NSL1: variants seen among roughly 807,000 people sequenced by gnomAD.
The protein encoded by NSL1 is kinetochore-associated protein NSL1 homolog.
In NSL1, 11 loss-of-function variants were observed where a neutral mutation model predicts 25.4. That is an observed-to-expected ratio of 0.43 (90% CI 0.27 to 0.72). NSL1 has a LOEUF of 0.72. Among genes scored for constraint, NSL1 ranks in the 30% least tolerant of loss-of-function variants. The pLI is 0.19. For synonymous variants in NSL1, 118 were observed against 120.6 expected, an observed-to-expected ratio of 0.98 and a Z score of 0.14; for missense variants, 330 against 342.7, an observed-to-expected ratio of 0.96 and a Z score of 0.29.
chr1:212,743,118 T>C (rs1419444194), intron 4 of NSL1, among the ~76,000 whole-genome samples: 2 of 152,344 alleles, frequency 1.3e-5, no homozygotes, highest in East Asian at 1.9e-4. Context: ...CTAAAACATT[T>C]ACGGATTAAA....
At chr1:212,770,131 A>G (rs1236085926) in intron 4 of NSL1, among the ~76,000 whole-genome samples, 1 of 152,168 alleles carries the variant, frequency 6.6e-6, no homozygotes, top group African/African-American at 2.4e-5. Flanking sequence ...GGATCAATTC[A>G]GAAAGAGGAT....
At chr1:212,769,079 T>TAAA (rs58889016) in intron 4 of NSL1, among the ~76,000 whole-genome samples, 3 of 132,042 alleles carry the variant, frequency 2.3e-5, no homozygotes, top group Non-Finnish European at 3.3e-5. Context: ...GGAGGAGGAA[T>TAAA]AAAAAAAAAA....
chr1:212,739,486 G>T, intron 5 of NSL1, 48 bp downstream of exon 5: 1 of 1,550,644 alleles, frequency 6.4e-7, no homozygotes, highest in Non-Finnish European at 8.9e-7. Context: ...CAAATACCTA[G>T]CCATACATTT....
intron 4 of NSL1, among the ~76,000 whole-genome samples, chr1:212,762,910 C>A (rs950351216): frequency 1.3e-5 from 2 of 152,138 alleles, no homozygotes; most frequent in Non-Finnish European, 2.9e-5. Flanking sequence ...AAAGAAGCTC[C>A]CAGATGAATT....
At chr1:212,770,083 T>TA (rs952356624) in intron 4 of NSL1, among the ~76,000 whole-genome samples, 2 of 151,742 alleles carry the variant, frequency 1.3e-5, no homozygotes, top group African/African-American at 4.8e-5. Context: ...TCAAGAACAG[T>TA]AAAAAAGGAC....
At chr1:212,742,423 G>C (rs1219212000) in intron 4 of NSL1, among the ~76,000 whole-genome samples, 1 of 152,140 alleles carries the variant, frequency 6.6e-6, no homozygotes, top group East Asian at 1.9e-4. Context: ...AACATACCAA[G>C]ACAAAGTACT....
chr1:212,787,703 G>A, intron 1 of NSL1, 66 bp from the exon 2 acceptor site: 1 of 1,023,452 alleles, frequency 9.8e-7, no homozygotes, highest in South Asian at 1.5e-5. Context: ...AAACGTTTTA[G>A]CAAAATAATA....
At chr1:212,745,184 A>AC (rs1658722364) in intron 4 of NSL1, among the ~76,000 whole-genome samples, 12 of 21,278 alleles carry the variant, frequency 5.6e-4, no homozygotes, top group Non-Finnish European at 1.3e-3. Context: ...ATATATATAT[A>AC]TATATATATA....
chr1:212,758,290 T>C (rs759736493), intron 4 of NSL1, among the ~76,000 whole-genome samples: 8 of 152,152 alleles, frequency 5.3e-5, no homozygotes, highest in Non-Finnish European at 1.0e-4. Flanking sequence ...TATAAAGGAA[T>C]GGTAATCAGA....
rs1491345960 is a variant in NSL1 at position 212,726,678 on chromosome 1, A to AC, written c.*11729dup. On this transcript the variant is annotated 3_prime_UTR_variant, in exon 6 of 6. Transcript: ENST00000366977. ...TCTCAGCTCCCAGCGGCACTGTGTT[A>AC]CCCCTGAGGTTGGCTCCTCTTCAAT... is the stretch of plus-strand genomic sequence containing the variant. 1 of 154,302 alleles carries AC rather than the reference A, an allele frequency of 6.5e-6. No individual in the cohort carries two copies. Among genetic ancestry groups the AC allele is most frequent in the East Asian group, 1.9e-4 (1 of 5,278 alleles). The allele number at this position is 154,302 out of a possible 1,614,324, so 9.6% of individuals were successfully genotyped here. A position where few individuals can be genotyped will look rare whatever the true frequency, so the allele number is the denominator to read the frequency against.
At position 212,760,203 on chromosome 1, in the gene NSL1, A is replaced by G. The variant is rs11120014; in HGVS notation, c.500-20602T>C. Reference sequence around the variant, plus strand: ...CAGGTCCAGCCTGTGGGCCACTGGTACCTGAGCACACTAACCAAGGGCAAA... The same window carrying G: ...CAGGTCCAGCCTGTGGGCCACTGGTGCCTGAGCACACTAACCAAGGGCAAA... On this transcript the variant is annotated intron_variant, in intron 4 of 5. Transcript: ENST00000366977. The surrounding 1 kb of genome is among the most constrained non-coding windows in gnomAD (Gnocchi z 4.3). Among the ~76,000 whole-genome samples the G allele has an allele frequency of 0.23, 34,495 of 151,996 alleles. 4,626 individuals carry two copies. The highest frequency in any genetic ancestry group is 0.38 in the African/African-American group (15,673 of 41,402).
intron 4 of NSL1, among the ~76,000 whole-genome samples, chr1:212,747,892 G>C (rs1052304815): frequency 3.9e-5 from 6 of 152,110 alleles, no homozygotes; most frequent in African/African-American, 1.4e-4. Flanking sequence ...AGCCTCCTGA[G>C]TAGCTGGGAC....
chr1:212,741,144 G>A (rs1443418993), intron 4 of NSL1, among the ~76,000 whole-genome samples: 5 of 151,960 alleles, frequency 3.3e-5, no homozygotes, highest in Non-Finnish European at 5.9e-5. Flanking sequence ...TATTATTTAC[G>A]ATTTGAGGAG....
At position 212,728,148 on chromosome 1, in the gene NSL1, TAA is replaced by T. The variant is rs1409469662; in HGVS notation, c.*10258_*10259del. On this transcript the variant is annotated 3_prime_UTR_variant, in exon 6 of 6. Transcript: ENST00000366977. ...TTAATTCATGGATTGTCTTGAGGAT[TAA>T]AAGAGATGGTGCATGTGAAGCTTTT... 2 of 950,558 alleles carry T rather than the reference TAA, an allele frequency of 2.1e-6. No individual in the cohort carries two copies. Among genetic ancestry groups the T allele is most frequent in the African/African-American group, 3.5e-5 (2 of 56,470 alleles). The allele number at this position is 950,558 out of a possible 1,614,324, so 58.9% of individuals were successfully genotyped here. A position where few individuals can be genotyped will look rare whatever the true frequency, so the allele number is the denominator to read the frequency against.
Position 212,732,499 on chromosome 1 carries a change from G to A in NSL1, c.*5909C>T. 1 of 463,598 alleles carries A rather than the reference G, an allele frequency of 2.2e-6. No homozygotes were observed. Among genetic ancestry groups the A allele is most frequent in the Non-Finnish European group, 2.8e-6 (1 of 353,298 alleles). The allele number at this position is 463,598 out of a possible 1,614,324, so 28.7% of individuals were successfully genotyped here. A position where few individuals can be genotyped will look rare whatever the true frequency, so the allele number is the denominator to read the frequency against. On this transcript the variant is annotated 3_prime_UTR_variant, in exon 6 of 6. Coordinates refer to ENST00000366977, the MANE Select transcript of NSL1 (RefSeq NM_015471.4). ...AGCTAATTTTGTATTTTTAGTTGTTGGTCAGGCTGGTCTCCAATTCCCAGC... is the reference window on the plus strand; with the variant it reads ...AGCTAATTTTGTATTTTTAGTTGTTAGTCAGGCTGGTCTCCAATTCCCAGC...
intron 4 of NSL1, among the ~76,000 whole-genome samples, chr1:212,771,766 TA>T (rs368575242): frequency 0.023 from 3,476 of 151,836 alleles, 63 homozygotes; most frequent in South Asian, 0.042. Context: ...ATAATAGCTA[TA>T]AAAAAAATAA....
chr1:212,768,331 A>C (rs913420867), intron 4 of NSL1, among the ~76,000 whole-genome samples: 77 of 151,554 alleles, frequency 5.1e-4, no homozygotes, highest in African/African-American at 1.8e-3. Flanking sequence ...AAAAAAAAAA[A>C]AAAAAAAAAA....
intron 4 of NSL1, among the ~76,000 whole-genome samples, chr1:212,773,744 T>C (rs1660228312): frequency 6.6e-6 from 1 of 152,192 alleles, no homozygotes; most frequent in African/African-American, 2.4e-5. Flanking sequence ...ATCCCCATTT[T>C]TATTACAGCA....
At chr1:212,766,028 C>G (rs1659791524) in intron 4 of NSL1, among the ~76,000 whole-genome samples, 1 of 150,970 alleles carries the variant, frequency 6.6e-6, no homozygotes, top group Non-Finnish European at 1.5e-5. Flanking sequence ...CCCAGCTCTT[C>G]CGGAGGCTGA....
Sources: allele counts gnomAD v4.1 joint callset (sites outside exome capture counted in the v4.1 genomes callset), GRCh38; gene constraint gnomAD v4.1.1; non-coding constraint Gnocchi (gnomAD v3.1); transcripts MANE v1.5; gene names NCBI Gene and HGNC (gene_info 2026-07-23, HGNC 2026-07-21).